The following DIP2B variants were observed in gnomAD, a reference collection of about 807,000 sequenced individuals.
DIP2B encodes the protein disco-interacting protein 2 homolog B.
A neutral mutation model predicts 198.0 loss-of-function variants in DIP2B; 76 were observed. That is an observed-to-expected ratio of 0.38 (90% confidence interval 0.32 to 0.46). DIP2B has a LOEUF of 0.46. Among genes scored for constraint, DIP2B ranks in the 20% least tolerant of loss-of-function variants. The pLI, the probability that DIP2B is intolerant of heterozygous loss-of-function variation, is 0.99. For missense variants in DIP2B, 1,559 were observed against 1,978.4 expected, an observed-to-expected ratio of 0.79 and a Z score of 4.02; for synonymous variants, 701 against 739.1, an observed-to-expected ratio of 0.95 and a Z score of 0.84.
chr12:50,675,220 A>G, intron 6 of DIP2B, 109 bp from the exon 7 acceptor site: 1 of 1,392,302 alleles, frequency 7.2e-7, no homozygotes, highest in Non-Finnish European at 9.7e-7. Context: ...AGAGAAGGAA[A>G]CTGGACAAAC....
intron 1 of DIP2B, among the ~76,000 whole-genome samples, chr12:50,618,637 A>G (rs1937746864): frequency 6.6e-6 from 1 of 152,174 alleles, no homozygotes; most frequent in South Asian, 2.1e-4. Context: ...CTGGATTCAA[A>G]TCCTGATCAC....
At chr12:50,659,239 A>G (rs1361333553) in intron 3 of DIP2B, among the ~76,000 whole-genome samples, 1 of 152,164 alleles carries the variant, frequency 6.6e-6, no homozygotes, top group African/African-American at 2.4e-5. Flanking sequence ...GGGCATTGTC[A>G]CATTGTCGTT....
chr12:50,679,935 TACA>T (rs1939009539), intron 8 of DIP2B: 1 of 152,196 alleles, frequency 6.6e-6, no homozygotes, highest in African/African-American at 2.4e-5. Context: ...AGAAAAAGCT[TACA>T]ACATTTCTGA....
At chr12:50,573,062 AG>A (rs1417444425) in intron 1 of DIP2B, among the ~76,000 whole-genome samples, 1 of 152,242 alleles carries the variant, frequency 6.6e-6, no homozygotes, top group Non-Finnish European at 1.5e-5. Flanking sequence ...AAAGCCGCAG[AG>A]GGTGTTCTGT....
intron 16 of DIP2B, among the ~76,000 whole-genome samples, chr12:50,696,678 C>G (rs1005487558): frequency 1.3e-5 from 2 of 152,188 alleles, no homozygotes; most frequent in African/African-American, 4.8e-5. Context: ...ACCTTAATAT[C>G]ATATAGAAGG....
chr12:50,721,115 G>T (rs1302621673), intron 25 of DIP2B, among the ~76,000 whole-genome samples, 158 bp from the exon 26 acceptor site: 1 of 152,170 alleles, frequency 6.6e-6, no homozygotes, highest in Non-Finnish European at 1.5e-5. Context: ...AGCCCCACAC[G>T]TCTTTGATGC....
intron 1 of DIP2B, among the ~76,000 whole-genome samples, chr12:50,554,827 G>C (rs1003942846): frequency 1.1e-4 from 16 of 151,466 alleles, no homozygotes; most frequent in African/African-American, 3.9e-4. Flanking sequence ...AAATGCAGTG[G>C]CGCCATCTCG....
chr12:50,649,668 A>G lies in DIP2B; in HGVS notation c.301+8816A>G, dbSNP rs1938418942. ...CAGGAGTTCGAGGCCAGGCTGGCCA[A>G]CATGGTGAAACTCCATCTCTACTAA... On this transcript the variant is annotated intron_variant, in intron 3 of 37. Coordinates refer to ENST00000301180, the MANE Select transcript of DIP2B (RefSeq NM_173602.3). Among the ~76,000 whole-genome samples the G allele has an allele frequency of 2.6e-5, 4 of 152,324 alleles. No homozygotes were observed. In the South Asian group the frequency reaches 8.3e-4, roughly 32 times the overall value.
At chr12:50,632,021 G>T (rs1266396813) in intron 2 of DIP2B, among the ~76,000 whole-genome samples, 2 of 149,662 alleles carry the variant, frequency 1.3e-5, no homozygotes, top group Non-Finnish European at 3.0e-5. Context: ...ATAGAGAGAA[G>T]GTCTCACTAT....
At chr12:50,597,508 G>A (rs1368594932) in intron 1 of DIP2B, among the ~76,000 whole-genome samples, 1 of 152,188 alleles carries the variant, frequency 6.6e-6, no homozygotes, top group African/African-American at 2.4e-5. Context: ...AGCACCATTA[G>A]GTGGTGCTGA....
intron 1 of DIP2B, among the ~76,000 whole-genome samples, chr12:50,518,202 T>A (rs1958083022): frequency 6.7e-6 from 1 of 149,720 alleles, no homozygotes; most frequent in Non-Finnish European, 1.5e-5. Context: ...CTGAATTGGG[T>A]TCACATATGG....
intron 4 of DIP2B, among the ~76,000 whole-genome samples, chr12:50,667,915 C>T (rs1938784170): frequency 6.6e-6 from 1 of 152,156 alleles, no homozygotes; most frequent in Non-Finnish European, 1.5e-5. Context: ...TGTTCATGGT[C>T]TCCCAGCTAT....
chr12:50,520,526 G>A (rs928544120), intron 1 of DIP2B, among the ~76,000 whole-genome samples: 2 of 152,160 alleles, frequency 1.3e-5, no homozygotes, highest in Non-Finnish European at 2.9e-5. Context: ...TGTAGAACAA[G>A]CAGTGGTATG....
intron 1 of DIP2B, among the ~76,000 whole-genome samples, chr12:50,543,212 T>C (rs1410801362): frequency 1.3e-5 from 2 of 152,082 alleles, no homozygotes; most frequent in African/African-American, 4.8e-5. Flanking sequence ...TCCACCAAGA[T>C]AGAGTCATGG....
At chr12:50,679,967 T>A (rs1592124383) in intron 8 of DIP2B, 1 of 152,154 alleles carries the variant, frequency 6.6e-6, no homozygotes, top group Non-Finnish European at 1.5e-5. Context: ...GTAAATTTTT[T>A]AAAAAACTGG....
At chr12:50,701,228 G>A (rs529207693) in intron 19 of DIP2B, among the ~76,000 whole-genome samples, 82 of 152,296 alleles carry the variant, frequency 5.4e-4, no homozygotes, top group Non-Finnish European at 1.0e-3. Context: ...TACCAGAAAA[G>A]GACAAAGCTA....
At chr12:50,735,521 G>A (rs1004654021) in intron 34 of DIP2B, among the ~76,000 whole-genome samples, 1 of 151,380 alleles carries the variant, frequency 6.6e-6, no homozygotes, top group African/African-American at 2.4e-5. Context: ...AGGCTAGAGT[G>A]CAGTGGCGCG....
chr12:50,660,418 T>G (rs971479537), intron 4 of DIP2B, 99 bp downstream of exon 4: 6 of 1,290,692 alleles, frequency 4.6e-6, no homozygotes, highest in Non-Finnish European at 5.1e-6. Context: ...CAGAATCTTC[T>G]CCCCGCCATT....
chr12:50,546,369 G>T (rs1958377952), intron 1 of DIP2B, among the ~76,000 whole-genome samples: 1 of 152,156 alleles, frequency 6.6e-6, no homozygotes, highest in East Asian at 1.9e-4. Context: ...TTAGGTTCAG[G>T]GGGTACATGT....
Sources: gnomAD v4.1 joint callset for allele counts (sites outside exome capture counted in the v4.1 genomes callset) on GRCh38, gnomAD v4.1.1 for gene constraint, MANE v1.5 for transcripts, NCBI Gene and HGNC (gene_info 2026-07-23, HGNC 2026-07-21) for gene names.